FAF2: variants seen among roughly 807,000 people sequenced by gnomAD.
FAF2 encodes Fas associated factor family member 2.
A neutral mutation model predicts 62.3 loss-of-function variants in FAF2; 9 were observed. That is an observed-to-expected ratio of 0.14 (90% confidence interval 0.09 to 0.25). The LOEUF (loss-of-function observed/expected upper bound fraction) is 0.25, where lower values mean the gene tolerates loss of function less well. Ranked by LOEUF, FAF2 falls within the 10% of genes least tolerant of loss-of-function variation. The pLI is 1.00. For synonymous variants in FAF2, 202 were observed against 198.0 expected (o/e 1.02, Z -0.17); for missense variants, 368 against 556.2 (o/e 0.66, Z 3.40).
chr5:176,470,520 T>C (rs1036856509), intron 1 of FAF2, among the ~76,000 whole-genome samples: 1 of 152,260 alleles, frequency 6.6e-6, no homozygotes, highest in African/African-American at 2.4e-5. Flanking sequence ...GAGGTTGTGG[T>C]GAGCCAAGAT....
At chr5:176,449,078 T>C (rs1758120742) in intron 1 of FAF2, among the ~76,000 whole-genome samples, 1 of 152,232 alleles carries the variant, frequency 6.6e-6, no homozygotes, top group Non-Finnish European at 1.5e-5. Flanking sequence ...TACTTTTGGC[T>C]TATTCCTGGA....
At chr5:176,464,435 T>C (rs1351278821) in intron 1 of FAF2, among the ~76,000 whole-genome samples, 2 of 151,962 alleles carry the variant, frequency 1.3e-5, no homozygotes, top group African/African-American at 2.4e-5. Context: ...TATGGTTATA[T>C]CTTGATTTGC....
At chr5:176,476,960 C>T (rs1300807760) in intron 1 of FAF2, among the ~76,000 whole-genome samples, 6 of 151,888 alleles carry the variant, frequency 4.0e-5, no homozygotes, top group Admixed American at 3.3e-4. Context: ...CAGGCGCCCA[C>T]CACCATGCCC....
In FAF2 at chr5:176,485,276, A is replaced by G. The variant is rs188397684; in HGVS notation, c.133-1079A>G. Reference sequence around the variant, plus strand: ...AGAATTTATTAGGGCATCATTACATAGGCACGATTGATTTGTTTGGCTGCC... The same window carrying G: ...AGAATTTATTAGGGCATCATTACATGGGCACGATTGATTTGTTTGGCTGCC... On this transcript the variant is annotated intron_variant, in intron 2 of 10. Transcript: ENST00000261942. Among the ~76,000 whole-genome samples, 60 of 152,334 alleles carry G rather than the reference A, an allele frequency of 3.9e-4. 1 individual carries two copies. The East Asian group carries it at 0.01, about 25-fold the overall frequency.
chr5:176,479,374 T>C (rs551914663), intron 2 of FAF2, 118 bp downstream of exon 2: 48 of 807,324 alleles, frequency 5.9e-5, no homozygotes, highest in South Asian at 5.8e-4. Context: ...ATTATGACTC[T>C]AAAAATAAAA....
chr5:176,487,241 G>A (rs1239837062), intron 3 of FAF2, among the ~76,000 whole-genome samples: 2 of 152,166 alleles, frequency 1.3e-5, no homozygotes, highest in Non-Finnish European at 2.9e-5. Context: ...CTGGAGTGCA[G>A]TGGCATGATC....
chr5:176,449,476 A>G (rs189420467), intron 1 of FAF2, among the ~76,000 whole-genome samples: 1 of 152,142 alleles, frequency 6.6e-6, no homozygotes, highest in Non-Finnish European at 1.5e-5. Flanking sequence ...TCGGGAGGCT[A>G]AGGCAGGAGA....
chr5:176,497,712 C>T (rs1197438235), intron 8 of FAF2, among the ~76,000 whole-genome samples: 1 of 152,120 alleles, frequency 6.6e-6, no homozygotes, highest in Non-Finnish European at 1.5e-5. Flanking sequence ...CCTGGAAGTG[C>T]AGTTTCTGGG....
chr5:176,495,657 G>A (rs969326674), intron 7 of FAF2, among the ~76,000 whole-genome samples: 8 of 151,808 alleles, frequency 5.3e-5, no homozygotes, highest in Non-Finnish European at 7.4e-5. Context: ...AATTACAGGC[G>A]CGTACCACCA....
At chr5:176,472,207 T>G (rs1758582934) in intron 1 of FAF2, among the ~76,000 whole-genome samples, 1 of 151,900 alleles carries the variant, frequency 6.6e-6, no homozygotes, top group South Asian at 2.1e-4. Context: ...CTCAGCTCAC[T>G]GCTTTCTCAG....
chr5:176,476,380 T>C (rs2113730549), intron 1 of FAF2, among the ~76,000 whole-genome samples: 1 of 152,306 alleles, frequency 6.6e-6, no homozygotes, highest in East Asian at 1.9e-4. Flanking sequence ...AAAAAGGTCC[T>C]TTTAACTTGG....
At chr5:176,497,218 A>G (rs2113744612) in intron 8 of FAF2, among the ~76,000 whole-genome samples, 1 of 152,298 alleles carries the variant, frequency 6.6e-6, no homozygotes, top group South Asian at 2.1e-4. Flanking sequence ...GGCATTTAGA[A>G]TAGCTGAATA....
In FAF2 at chr5:176,499,090, T is replaced by C. The variant is rs766995054; in HGVS notation, c.1011+5T>C. 8.9e-6 allele frequency: 14 copies of C among 1,567,520 alleles called. No individual in the cohort carries two copies. Among genetic ancestry groups the C allele is most frequent in the Admixed American group, 1.9e-5 (1 of 52,572 alleles). On this transcript the variant is annotated splice_donor_5th_base_variant and intron_variant, in intron 9 of 10. Coordinates refer to ENST00000261942, the MANE Select transcript of FAF2 (RefSeq NM_014613.3). Reference sequence around the variant, plus strand: ...GCAGAGGAGAGACGGCGGCAGGTAATGGACGTGTGGCTTTACTCCCTGTGG... The same window carrying C: ...GCAGAGGAGAGACGGCGGCAGGTAACGGACGTGTGGCTTTACTCCCTGTGG...
At chr5:176,454,930 C>T (rs1024720209) in intron 1 of FAF2, among the ~76,000 whole-genome samples, 1 of 152,158 alleles carries the variant, frequency 6.6e-6, no homozygotes, top group Non-Finnish European at 1.5e-5. Flanking sequence ...TATATTTGCT[C>T]CCAAACTAGT....
chr5:176,506,203 A>C (rs895750656), intron 10 of FAF2, among the ~76,000 whole-genome samples: 1 of 144,254 alleles, frequency 6.9e-6, no homozygotes, highest in East Asian at 2.3e-4. Context: ...AAAAAAAAAA[A>C]AAACAAAAAA....
chr5:176,479,111 C>A, intron 1 of FAF2, 77 bp from the exon 2 acceptor site: 2 of 1,100,342 alleles, frequency 1.8e-6, no homozygotes, highest in Non-Finnish European at 2.8e-6. Flanking sequence ...ATTTTCCTAG[C>A]AGTATATGGC....
intron 1 of FAF2, among the ~76,000 whole-genome samples, chr5:176,451,892 A>ATTTTTT (rs1174600881): frequency 4.6e-5 from 1 of 21,678 alleles, no homozygotes; most frequent in East Asian, 1.0e-3. Context: ...ATATATATAT[A>ATTTTTT]TTTTTTTTTT....
chr5:176,474,764 C>G (rs1397047062), intron 1 of FAF2, among the ~76,000 whole-genome samples: 1 of 152,174 alleles, frequency 6.6e-6, no homozygotes, highest in Non-Finnish European at 1.5e-5. Context: ...AAGGAATCTT[C>G]TAGAACAAAA....
chr5:176,475,744 G>A (rs1365944071), intron 1 of FAF2, among the ~76,000 whole-genome samples: 1 of 152,016 alleles, frequency 6.6e-6, no homozygotes, highest in Non-Finnish European at 1.5e-5. Context: ...CGCCAGCCTG[G>A]GGGACAAGAG....
Sources: allele counts gnomAD v4.1 joint callset (sites outside exome capture counted in the v4.1 genomes callset), GRCh38; gene constraint gnomAD v4.1.1; transcripts MANE v1.5; gene names NCBI Gene and HGNC (gene_info 2026-07-23, HGNC 2026-07-21).